DBX2: variants seen among roughly 807,000 people sequenced by gnomAD.
DBX2 encodes homeobox protein DBX2.
Under a neutral mutation model 17.7 loss-of-function variants are expected in DBX2, and 16 were observed. The ratio of observed to expected loss-of-function variants is 0.90; its 90% CI spans 0.61 to 1.37. The LOEUF (loss-of-function observed/expected upper bound fraction) is 1.37, where lower values mean the gene tolerates loss of function less well. DBX2 is among the 40% of genes most tolerant of loss of function. DBX2 has a pLI of 0.00. For missense variants in DBX2, 538 were observed against 433.8 expected (o/e 1.24, Z -2.13); for synonymous variants, 255 against 183.8 (o/e 1.39, Z -3.13).
chr12:45,036,523 T>C (rs1348854866), intron 1 of DBX2, among the ~76,000 whole-genome samples: 1 of 152,230 alleles, frequency 6.6e-6, no homozygotes, highest in Non-Finnish European at 1.5e-5. Flanking sequence ...ACTTAAAATG[T>C]AGCTAGTATA....
intron 3 of DBX2, among the ~76,000 whole-genome samples, chr12:45,018,143 T>C (rs1223424202): frequency 6.6e-6 from 1 of 152,188 alleles, no homozygotes; most frequent in Non-Finnish European, 1.5e-5. Flanking sequence ...GAGTACTTGG[T>C]TCTATTCATT....
At chr12:45,021,958 A>T (rs1946354544) in intron 3 of DBX2, among the ~76,000 whole-genome samples, 1 of 151,938 alleles carries the variant, frequency 6.6e-6, no homozygotes, top group Non-Finnish European at 1.5e-5. Context: ...ATTTATCAAT[A>T]CTCCCTGTTA....
chr12:45,024,809 A>C (rs1014282157), intron 2 of DBX2, among the ~76,000 whole-genome samples: 2 of 152,230 alleles, frequency 1.3e-5, no homozygotes, highest in African/African-American at 2.4e-5. Context: ...AACCTGGGAT[A>C]GGGAAAGCTT....
intron 2 of DBX2, among the ~76,000 whole-genome samples, chr12:45,026,281 G>T (rs1215388637): frequency 2.0e-5 from 3 of 152,178 alleles, no homozygotes; most frequent in African/African-American, 7.2e-5. Context: ...ATAGAGAACT[G>T]CAAGGGTTTG....
At chr12:45,027,033 T>G (rs1946385026) in intron 2 of DBX2, among the ~76,000 whole-genome samples, 4 of 152,254 alleles carry the variant, frequency 2.6e-5, no homozygotes, top group Admixed American at 2.6e-4. Context: ...AAAAATATTC[T>G]GAATATCTCA....
At chr12:45,027,098 A>G (rs1269296151) in intron 2 of DBX2, among the ~76,000 whole-genome samples, 1 of 152,220 alleles carries the variant, frequency 6.6e-6, no homozygotes, top group Non-Finnish European at 1.5e-5. Context: ...CTTGGTTTGG[A>G]TATCAGCCCT....
At chr12:45,020,456 A>G (rs750230894) in intron 3 of DBX2, among the ~76,000 whole-genome samples, 1 of 152,090 alleles carries the variant, frequency 6.6e-6, no homozygotes. Flanking sequence ...TACTTATATA[A>G]AAGTACAAAA....
intron 2 of DBX2, among the ~76,000 whole-genome samples, chr12:45,035,530 C>G (rs560776098): frequency 7.6e-4 from 116 of 152,286 alleles, no homozygotes; most frequent in African/African-American, 2.8e-3. Context: ...TCCAACAGTT[C>G]TGGTTGGTTA....
Position 45,045,281 on chromosome 12 carries a change from G to A in DBX2, c.403+5244C>T, listed in dbSNP as rs142360405. ...ACTTTACTTAGAGCTTCTTCTAACC[G>A]AAAATTAAGTAGACAAACACTGTAT... On this transcript the variant is annotated intron_variant, in intron 1 of 3. Transcript: ENST00000332700. 3.7e-3 allele frequency among the ~76,000 whole-genome samples: 562 copies of A among 152,264 alleles called. 1 individual carries two copies. The highest frequency in any genetic ancestry group is 0.013 in the African/African-American group (528 of 41,554).
At chr12:45,043,406 G>A (rs1250231714) in intron 1 of DBX2, among the ~76,000 whole-genome samples, 2 of 152,184 alleles carry the variant, frequency 1.3e-5, no homozygotes, top group East Asian at 1.9e-4. Flanking sequence ...GGAAGTATCA[G>A]AATGTCCAAA....
intron 1 of DBX2, among the ~76,000 whole-genome samples, chr12:45,036,587 G>A (rs567788374): frequency 2.6e-5 from 4 of 152,204 alleles, no homozygotes; most frequent in African/African-American, 4.8e-5. Context: ...AGACTCATAC[G>A]ACTAGGGATT....
intron 1 of DBX2, 92 bp downstream of exon 1, chr12:45,050,433 G>C: frequency 2.7e-6 from 4 of 1,473,294 alleles, no homozygotes; most frequent in Non-Finnish European, 3.6e-6. Flanking sequence ...CTCTCCCTGG[G>C]CGCAGTGCGC....
chr12:45,046,737 C>G (rs1039989354), intron 1 of DBX2, among the ~76,000 whole-genome samples: 3 of 152,034 alleles, frequency 2.0e-5, no homozygotes, highest in African/African-American at 7.2e-5. Context: ...AATGGGTAAA[C>G]AGTACTTGGG....
In DBX2 at chr12:45,050,535, A is replaced by G; in HGVS notation, c.393T>C (p.Pro131=). The part of the protein sequence containing the change: ...APGDRDCTFQ[P]SAPAPSKPFL... ...GGAGAGCTGGCTCACCTGGCGCTGAAGGCTGGAAGGTACAGTCTCGGTCCC... is the reference window on the plus strand; with the variant it reads ...GGAGAGCTGGCTCACCTGGCGCTGAGGGCTGGAAGGTACAGTCTCGGTCCC... Residue 131 remains proline, a synonymous_variant, in exon 1 of 4, where the codon CCT becomes CCC. Transcript: ENST00000332700. 1.9e-6 allele frequency: 3 copies of G among 1,551,398 alleles called. No individual in the cohort carries two copies. The highest frequency in any genetic ancestry group is 2.6e-6 in the Non-Finnish European group (3 of 1,148,642).
At chr12:45,028,450 T>C (rs766577839) in intron 2 of DBX2, among the ~76,000 whole-genome samples, 5 of 151,880 alleles carry the variant, frequency 3.3e-5, no homozygotes, top group Non-Finnish European at 5.9e-5. Flanking sequence ...CAAGATTCTA[T>C]TCATTTTGGC....
chr12:45,024,717 G>C (rs1340531253), intron 2 of DBX2, among the ~76,000 whole-genome samples: 2 of 152,140 alleles, frequency 1.3e-5, no homozygotes, highest in African/African-American at 4.8e-5. Flanking sequence ...ATGGTGGAAG[G>C]GCATTTATTG....
intron 3 of DBX2, among the ~76,000 whole-genome samples, chr12:45,021,697 G>C (rs1434539001): frequency 6.6e-6 from 1 of 152,194 alleles, no homozygotes; most frequent in Admixed American, 6.5e-5. Context: ...TCTGAGATCA[G>C]AGAGTTCCAC....
At chr12:45,045,808 C>T (rs1000949693) in intron 1 of DBX2, among the ~76,000 whole-genome samples, 13 of 152,090 alleles carry the variant, frequency 8.5e-5, no homozygotes, top group African/African-American at 3.1e-4. Flanking sequence ...TTTAAATTGC[C>T]CAAAACATAC....
chr12:45,024,770 T>G (rs756518098), intron 2 of DBX2, among the ~76,000 whole-genome samples: 3 of 152,196 alleles, frequency 2.0e-5, no homozygotes, highest in African/African-American at 7.2e-5. Context: ...GAGGGAGATT[T>G]GGGAACACAA....
Sources: gnomAD v4.1 joint callset for allele counts (sites outside exome capture counted in the v4.1 genomes callset) on GRCh38, gnomAD v4.1.1 for gene constraint, MANE v1.5 for transcripts, NCBI Gene and HGNC (gene_info 2026-07-23, HGNC 2026-07-21) for gene names.